The following LACRT variants were observed in gnomAD, a reference collection of about 807,000 sequenced individuals.
LACRT encodes the protein extracellular glycoprotein lacritin.
In LACRT, 14 loss-of-function variants were observed where a neutral mutation model predicts 14.5. The ratio of observed to expected loss-of-function variants is 0.96; its 90% CI spans 0.64 to 1.51. LACRT has a LOEUF of 1.51. LACRT is among the 40% of genes most tolerant of loss of function. LACRT has a pLI of 0.00. For missense variants in LACRT, 156 were observed against 161.8 expected, an observed-to-expected ratio of 0.96 and a Z score of 0.19; for synonymous variants, 70 against 63.5, an observed-to-expected ratio of 1.10 and a Z score of -0.48.
At chr12:54,634,684 A>G in intron 1 of LACRT, 100 bp downstream of exon 1, 1 of 1,150,122 alleles carries the variant, frequency 8.7e-7, no homozygotes, top group East Asian at 2.4e-5. Flanking sequence ...CAGGGAAACC[A>G]GAATAGCACT....
chr12:54,631,832 T>C lies in LACRT; in HGVS notation c.261A>G (p.Ile87Met), dbSNP rs759468282. Residue 87 changes from isoleucine to methionine, a missense_variant, in exon 4 of 5, where the codon ATA (isoleucine) becomes ATG (methionine). Coordinates refer to ENST00000257867, the MANE Select transcript of LACRT (RefSeq NM_033277.2). Reference sequence around the variant, plus strand: ...CTGTTAGTAAGATACTTTTCTCCACTATGGATTCTAATTTTGGAGCAGAAC... The same window carrying C: ...CTGTTAGTAAGATACTTTTCTCCACCATGGATTCTAATTTTGGAGCAGAAC... The part of the protein sequence containing the change: ...SRQELNPLKS[I>M]VEKSILLTEQ... 76 of 1,610,480 alleles carry C rather than the reference T, an allele frequency of 4.7e-5. No homozygotes were observed. The Admixed American group carries it at 1.2e-3, about 26-fold the overall frequency.
In LACRT at chr12:54,630,928, T is replaced by C. The variant is rs373513767; in HGVS notation, c.381A>G (p.Leu127=). The change falls in exon 5 of 5, where the codon TTA becomes TTG. Residue 127 remains leucine, a synonymous_variant. Transcript: ENST00000257867. ...GTTTTAATAGACTGAATTTCTTCAG[T>C]AATTTTTGTGCAAATTCACTTCCAT... is the stretch of plus-strand genomic sequence containing the variant. ...IENGSEFAQK[L]LKKFSLLKPW... is the part of the protein sequence containing the mutation. 8.1e-6 allele frequency: 13 copies of C among 1,612,424 alleles called. No individual in the cohort carries two copies. Among genetic ancestry groups the C allele is most frequent in the Middle Eastern group, 1.6e-4 (1 of 6,074 alleles).
At chr12:54,633,509 G>T (rs1410147649) in intron 1 of LACRT, among the ~76,000 whole-genome samples, 1 of 152,136 alleles carries the variant, frequency 6.6e-6, no homozygotes, top group African/African-American at 2.4e-5. Context: ...CCCTGGCTTG[G>T]TAGGCTTCCC....
At chr12:54,632,523 G>A (rs972809037) in intron 2 of LACRT, 142 bp from the exon 3 acceptor site, 34 of 969,368 alleles carry the variant, frequency 3.5e-5, no homozygotes, top group African/African-American at 1.1e-4. Flanking sequence ...CCCCCTTAAG[G>A]GAGATAGCAT....
intron 3 of LACRT, 25 bp downstream of exon 3, chr12:54,632,216 A>T (rs1184636063): frequency 6.2e-7 from 1 of 1,612,100 alleles, no homozygotes; most frequent in South Asian, 1.1e-5. Flanking sequence ...TAGGTTGTTG[A>T]TCTGGCATAG....
chr12:54,634,405 G>A (rs1958174698), intron 1 of LACRT, among the ~76,000 whole-genome samples: 5 of 151,678 alleles, frequency 3.3e-5, no homozygotes, highest in Admixed American at 3.3e-4. Flanking sequence ...ACAGCCAGGG[G>A]CCAGGCTCAC....
chr12:54,631,949 C>T, intron 3 of LACRT, 110 bp from the exon 4 acceptor site: 1 of 596,928 alleles, frequency 1.7e-6, no homozygotes, highest in South Asian at 1.7e-5. Context: ...CCCAGGACAT[C>T]ATCCCTACAG....
chr12:54,633,308 C>A (rs1202791532), intron 1 of LACRT, 75 bp from the exon 2 acceptor site: 1 of 1,302,436 alleles, frequency 7.7e-7, no homozygotes, highest in Admixed American at 1.8e-5. Flanking sequence ...CCCTCCCATT[C>A]CCAAAGCTTA....
Position 54,632,266 on chromosome 12 carries a change from T to G in LACRT, c.228A>C (p.Ser76=). Residue 76 remains serine (S), a synonymous_variant, in exon 3 of 5, where the codon TCA becomes TCC. Transcript: ENST00000257867. ...TCAGGGGGTTTAGTTCCTGCCTGCT[T>G]GAGGTGACCTTGGCTGTCCCCTGAA... The part of the protein sequence containing the change: ...AAVQGTAKVT[S]SRQELNPLKS... 3.7e-6 allele frequency: 6 copies of G among 1,614,098 alleles called. No homozygotes were observed. The highest frequency in any genetic ancestry group is 5.1e-6 in the Non-Finnish European group (6 of 1,179,992).
At position 54,632,288 on chromosome 12, in the gene LACRT, T is replaced by C. The variant is rs201076627; in HGVS notation, c.206A>G (p.Gln69Arg). 125 of 1,614,160 alleles carry C rather than the reference T, an allele frequency of 7.7e-5. No individual in the cohort carries two copies. The Admixed American group carries it at 2.1e-3, about 27-fold the overall frequency. The change falls in exon 3 of 5, where the codon CAG becomes CGG. Residue 69 changes from glutamine (Q) to arginine (R), a missense_variant. Gln to Arg is a conservative substitution (Grantham distance 43). Coordinates refer to ENST00000257867, the MANE Select transcript of LACRT (RefSeq NM_033277.2). ...TAQETSAAAV[Q>R]GTAKVTSSRQ... ...GCTTGAGGTGACCTTGGCTGTCCCC[T>C]GAACTGCTGCCGCCGAAGTCTCCTG...
At position 54,630,936 on chromosome 12, in the gene LACRT, G is replaced by A. The variant is rs184297782; in HGVS notation, c.373C>T (p.Gln125Ter). 2.5e-6 allele frequency: 4 copies of A among 1,611,548 alleles called. No individual in the cohort carries two copies. Among genetic ancestry groups the A allele is most frequent in the African/African-American group, 2.7e-5 (2 of 74,982 alleles). The change falls in exon 5 of 5, where the codon CAA (glutamine) becomes TAA (stop). Residue 125 changes from glutamine to a stop codon, truncating the protein, a stop_gained. Coordinates refer to ENST00000257867, the MANE Select transcript of LACRT (RefSeq NM_033277.2). LOFTEE classifies it low-confidence loss of function (END_TRUNC). ...QFIENGSEFA[Q>*]KLLKKFSLLK... ...AGACTGAATTTCTTCAGTAATTTTTGTGCAAATTCACTTCCATCTAGAAGG... is the reference window on the plus strand; with the variant it reads ...AGACTGAATTTCTTCAGTAATTTTTATGCAAATTCACTTCCATCTAGAAGG...
intron 1 of LACRT, among the ~76,000 whole-genome samples, chr12:54,634,277 A>C (rs564488910): frequency 6.7e-6 from 1 of 149,940 alleles, no homozygotes; most frequent in South Asian, 2.1e-4. Flanking sequence ...GCTGGAACCC[A>C]GGAGGTGGAT....
In LACRT at chr12:54,631,762, G is replaced by T. The variant is rs1419683187; in HGVS notation, c.331C>A (p.Pro111Thr). 6.2e-7 allele frequency: 1 copy of T among 1,613,578 alleles called. No homozygotes were observed. Among genetic ancestry groups the T allele is most frequent in the Non-Finnish European group, 8.5e-7 (1 of 1,179,594 alleles). ...CTTTCGATGAATTGTTTTCCACCTG[G>T]CACGCCTCCGTGCATTCCTTTTCCT... ...KAGKGMHGGV[P>T]GGKQFIENGS... The change falls in exon 4 of 5, where the codon CCA (proline) becomes ACA (threonine). Residue 111 changes from proline to threonine, a missense_variant. Coordinates refer to ENST00000257867, the MANE Select transcript of LACRT (RefSeq NM_033277.2).
chr12:54,634,893 A>T lies in LACRT; in HGVS notation c.-52T>A. ...CACAGAATCTGCAGAAGGTCTGGGG[A>T]ATAAGGATGCTGAAATTGCTGGGCC... On this transcript the variant is annotated 5_prime_UTR_variant, in exon 1 of 5. Transcript: ENST00000257867. 1 of 1,478,724 alleles carries T rather than the reference A, an allele frequency of 6.8e-7. No individual in the cohort carries two copies. Among genetic ancestry groups the T allele is most frequent in the African/African-American group, 1.4e-5 (1 of 72,162 alleles). The allele number at this position is 1,478,724 out of a possible 1,614,324, so 91.6% of individuals were successfully genotyped here.
In LACRT at chr12:54,632,384, G is replaced by C. The variant is rs1364146031; in HGVS notation, c.113-3C>G. 6.2e-7 allele frequency: 1 copy of C among 1,613,126 alleles called. No homozygotes were observed. Among genetic ancestry groups the C allele is most frequent in the South Asian group, 1.1e-5 (1 of 90,914 alleles). ...TGAGATCTCTTCATTAGGCTTAGCT[G>C]TGAATGCACAAATTGATGGATTTTA... On this transcript the variant is annotated splice_polypyrimidine_tract_variant and splice_region_variant and intron_variant, in intron 2 of 4. Coordinates refer to ENST00000257867, the MANE Select transcript of LACRT (RefSeq NM_033277.2).
Position 54,631,229 on chromosome 12 carries a change from A to C in LACRT, c.356-276T>G, listed in dbSNP as rs577939686. Among the ~76,000 whole-genome samples, 6 of 152,270 alleles carry C rather than the reference A, an allele frequency of 3.9e-5. No individual in the cohort carries two copies. In the South Asian group the frequency reaches 1.2e-3, roughly 32 times the overall value. ...CCCAGGTGAATCAATATCAGACAAC[A>C]TGGCACATTGAATCTGTTCTTTTTT... On this transcript the variant is annotated intron_variant, in intron 4 of 4. Coordinates refer to ENST00000257867, the MANE Select transcript of LACRT (RefSeq NM_033277.2).
intron 2 of LACRT, 117 bp downstream of exon 2, chr12:54,633,063 C>A: frequency 1.0e-6 from 1 of 995,656 alleles, no homozygotes; most frequent in Non-Finnish European, 1.6e-6. Flanking sequence ...TCCCCATTAC[C>A]ACCAAGCACA....
At chr12:54,633,083 TCTC>T in intron 2 of LACRT, 94 bp downstream of exon 2, 1 of 1,149,376 alleles carries the variant, frequency 8.7e-7, no homozygotes, top group Non-Finnish European at 1.3e-6. Flanking sequence ...AGAATCCAGA[TCTC>T]CTCCCACTGG....
Position 54,633,370 on chromosome 12 carries a change from A to G in LACRT, c.59-137T>C, listed in dbSNP as rs2121271997. Reference sequence around the variant, plus strand: ...GGGGATCAATTTCCCTTTGGGTTGGACATGCCCTTCCACCATATCAGCGGG... The same window carrying G: ...GGGGATCAATTTCCCTTTGGGTTGGGCATGCCCTTCCACCATATCAGCGGG... On this transcript the variant is annotated intron_variant, in intron 1 of 4. Transcript: ENST00000257867. The G allele has an allele frequency of 1.7e-5, 13 of 747,630 alleles. No homozygotes were observed. The South Asian group carries it at 2.2e-4, about 13-fold the overall frequency. The allele number at this position is 747,630 out of a possible 1,614,324, so 46.3% of individuals were successfully genotyped here. A position where few individuals can be genotyped will look rare whatever the true frequency, so the allele number is the denominator to read the frequency against.
Sources: gnomAD v4.1 joint callset for allele counts (sites outside exome capture counted in the v4.1 genomes callset) on GRCh38, gnomAD v4.1.1 for gene constraint, MANE v1.5 for transcripts, NCBI Gene and HGNC (gene_info 2026-07-23, HGNC 2026-07-21) for gene names.